Variants in GLRA1 observed in about 807,000 individuals in gnomAD.
GLRA1 encodes the protein glycine receptor subunit alpha-1.
In GLRA1, 37 loss-of-function variants were observed where a neutral mutation model predicts 48.3. The observed-to-expected ratio is 0.77, with a 90% CI of 0.59 to 1.01. The LOEUF is 1.01. Among genes scored for constraint, GLRA1 ranks in the 50% least tolerant of loss-of-function variants. GLRA1 has a pLI of 0.00. For synonymous variants in GLRA1, 196 were observed against 210.7 expected, an observed-to-expected ratio of 0.93 and a Z score of 0.60; for missense variants, 427 against 571.0, an observed-to-expected ratio of 0.75 and a Z score of 2.57.
chr5:151,829,108 G>C, intron 7 of GLRA1, 41 bp from the exon 8 acceptor site: 1 of 1,602,712 alleles, frequency 6.2e-7, no homozygotes, highest in African/African-American at 1.3e-5. Context: ...GTGAAAGCAG[G>C]GGAATGTAAA....
At chr5:151,850,551 G>A in intron 7 of GLRA1, 2 of 1,168,162 alleles carry the variant, frequency 1.7e-6, no homozygotes, top group Non-Finnish European at 2.6e-6. Context: ...CCCAAGGGAG[G>A]CCTGGACAAA....
intron 1 of GLRA1, among the ~76,000 whole-genome samples, chr5:151,897,769 A>T (rs1754258431): frequency 1.3e-5 from 2 of 152,202 alleles, no homozygotes; most frequent in African/African-American, 4.8e-5. Flanking sequence ...GGTGGACAGG[A>T]TGAGGAACAA....
At chr5:151,886,896 G>A (rs1753922519) in intron 2 of GLRA1, 108 bp from the exon 3 acceptor site, 1 of 833,144 alleles carries the variant, frequency 1.2e-6, no homozygotes, top group South Asian at 1.3e-5. Flanking sequence ...CTTTGGTGGA[G>A]GAGATCCTTG....
chr5:151,871,623 C>T (rs1173648864), intron 3 of GLRA1, among the ~76,000 whole-genome samples: 6 of 148,086 alleles, frequency 4.1e-5, no homozygotes, highest in African/African-American at 1.6e-4. Flanking sequence ...TGCAGTGGCA[C>T]GATCTCGGCT....
In GLRA1 at chr5:151,828,907, A is replaced by G. The variant is rs1474660982; in HGVS notation, c.1059+14T>C. 1.2e-6 allele frequency: 2 copies of G among 1,612,418 alleles called. No homozygotes were observed. Among genetic ancestry groups the G allele is most frequent in the Admixed American group, 1.7e-5 (1 of 59,930 alleles). On this transcript the variant is annotated intron_variant, in intron 8 of 8. Transcript: ENST00000274576. Reference sequence around the variant, plus strand: ...AACAGCTGTCCCTCCTTAGGCAGTGACCCAAAGGCCTACCTTGTGATGTCT... The same window carrying G: ...AACAGCTGTCCCTCCTTAGGCAGTGGCCCAAAGGCCTACCTTGTGATGTCT...
intron 1 of GLRA1, among the ~76,000 whole-genome samples, chr5:151,898,556 C>T (rs189497211): frequency 2.2e-3 from 331 of 152,260 alleles, no homozygotes; most frequent in South Asian, 8.1e-3. Flanking sequence ...GGGATCCCTC[C>T]AGTCAATTCC....
Position 151,851,489 on chromosome 5 carries a change from C to T in GLRA1, c.813G>A (p.Trp271Ter). ...LIVILSWISF[W>*]INMDAAPARV... ...GAGCAGGTGCAGCATCCATGTTGAT[C>T]CAGAAGGAGATCCATGAGAGGATGA... Residue 271 changes from tryptophan to a stop codon, truncating the protein, a stop_gained, in exon 7 of 9, where the codon TGG (tryptophan) becomes TGA (stop). Transcript: ENST00000274576. LOFTEE classifies it high-confidence loss of function. The T allele has an allele frequency of 6.2e-7, 1 of 1,613,880 alleles. No individual in the cohort carries two copies. The highest frequency in any genetic ancestry group is 8.5e-7 in the Non-Finnish European group (1 of 1,179,884).
At chr5:151,853,542 C>T (rs981070484) in intron 6 of GLRA1, among the ~76,000 whole-genome samples, 2 of 152,034 alleles carry the variant, frequency 1.3e-5, no homozygotes, top group African/African-American at 4.8e-5. Flanking sequence ...AGGCATGAGC[C>T]ACCATGCCTG....
At chr5:151,904,498 T>C (rs755765707) in intron 1 of GLRA1, among the ~76,000 whole-genome samples, 1 of 152,214 alleles carries the variant, frequency 6.6e-6, no homozygotes, top group South Asian at 2.1e-4. Flanking sequence ...TCCTCATCCA[T>C]AGCGTGTAGA....
intron 7 of GLRA1, among the ~76,000 whole-genome samples, chr5:151,849,251 C>CTCCT (rs1752807193): frequency 1.8e-5 from 1 of 54,986 alleles, no homozygotes; most frequent in African/African-American, 7.4e-5. Context: ...CCTTCCTTCC[C>CTCCT]TTCTTTCTTT....
At chr5:151,840,696 C>A (rs1763693475) in intron 7 of GLRA1, among the ~76,000 whole-genome samples, 2 of 146,118 alleles carry the variant, frequency 1.4e-5, no homozygotes, top group Admixed American at 6.8e-5. Context: ...AAACAGTAAC[C>A]AAAAGAGGCC....
chr5:151,885,097 A>G (rs1468780231), intron 3 of GLRA1, among the ~76,000 whole-genome samples: 1 of 152,224 alleles, frequency 6.6e-6, no homozygotes, highest in Non-Finnish European at 1.5e-5. Context: ...AGTCTTCGTG[A>G]CCATATCAAG....
At chr5:151,850,503 C>G (rs1446699130) in intron 7 of GLRA1, 1 of 1,013,322 alleles carries the variant, frequency 9.9e-7, no homozygotes, top group Non-Finnish European at 1.6e-6. Context: ...CATCGAGAAA[C>G]TAAGCAGTGG....
rs1224142581 is a variant in GLRA1 at position 151,859,919 on chromosome 5, G to T, written c.342C>A (p.Asp114Glu). 2 of 1,613,822 alleles carry T rather than the reference G, an allele frequency of 1.2e-6. No homozygotes were observed. Among genetic ancestry groups the T allele is most frequent in the African/African-American group, 2.7e-5 (2 of 74,890 alleles). The change falls in exon 4 of 9, where the codon GAC becomes GAA. Residue 114 changes from aspartate to glutamate, a missense_variant. By Grantham distance (45) the Asp-to-Glu change is conservative. This residue lies in a region of GLRA1 where 271 missense variants were observed against 434.9 expected (regional missense o/e 0.62). Coordinates refer to ENST00000274576, the MANE Select transcript of GLRA1 (RefSeq NM_000171.4). The stretch of plus-strand genomic sequence containing the variant: ...TCCAGATGGAGTCCAGCATGGATGG[G>T]TCCAGGTCCAGAGAGTCGTCAGGGT... The part of the protein sequence containing the change: ...NEYPDDSLDL[D>E]PSMLDSIWKP...
At chr5:151,920,523 C>T (rs1325983078) in intron 1 of GLRA1, among the ~76,000 whole-genome samples, 2 of 152,268 alleles carry the variant, frequency 1.3e-5, no homozygotes, top group African/African-American at 4.8e-5. Flanking sequence ...CTCTATTTAC[C>T]AGCCTAGGGT....
intron 7 of GLRA1, among the ~76,000 whole-genome samples, chr5:151,832,246 C>G (rs1350302487): frequency 1.3e-5 from 2 of 152,156 alleles, no homozygotes; most frequent in African/African-American, 4.8e-5. Context: ...CTTTTCTCTT[C>G]CAAAGGATCA....
intron 1 of GLRA1, among the ~76,000 whole-genome samples, chr5:151,903,477 G>A (rs1754409563): frequency 6.6e-6 from 1 of 152,110 alleles, no homozygotes; most frequent in African/African-American, 2.4e-5. Context: ...AATCCTCTAA[G>A]ACAGAGTCAG....
At chr5:151,838,171 C>T (rs549877175) in intron 7 of GLRA1, among the ~76,000 whole-genome samples, 13 of 152,212 alleles carry the variant, frequency 8.5e-5, no homozygotes, top group African/African-American at 2.2e-4. Flanking sequence ...AGCAGTGTCT[C>T]ACCAAATATA....
chr5:151,847,009 T>C (rs1297762919), intron 7 of GLRA1, among the ~76,000 whole-genome samples: 1 of 152,210 alleles, frequency 6.6e-6, no homozygotes, highest in African/African-American at 2.4e-5. Flanking sequence ...TCTATCTATT[T>C]ATCCATCTGT....
Sources: allele counts gnomAD v4.1 joint callset (sites outside exome capture counted in the v4.1 genomes callset), GRCh38; gene constraint gnomAD v4.1.1; regional missense constraint gnomAD v4.1.1; transcripts MANE v1.5; gene names NCBI Gene and HGNC (gene_info 2026-07-23, HGNC 2026-07-21).